SMOC2: variants seen among roughly 807,000 people sequenced by gnomAD.
SMOC2 encodes SPARC-related modular calcium-binding protein 2.
In SMOC2, 39 loss-of-function variants were observed where a neutral mutation model predicts 61.4. The ratio of observed to expected loss-of-function variants is 0.64; its 90% CI spans 0.49 to 0.83. The LOEUF is 0.83. SMOC2 is among the 40% of genes least tolerant of loss of function. The probability of loss-of-function intolerance (pLI) is 0.00; values close to 1 mark genes in which losing one functional copy is unlikely to be tolerated. For synonymous variants in SMOC2, 247 were observed against 239.9 expected, an observed-to-expected ratio of 1.03 and a Z score of -0.27; for missense variants, 556 against 592.9, an observed-to-expected ratio of 0.94 and a Z score of 0.65.
intron 9 of SMOC2, among the ~76,000 whole-genome samples, chr6:168,631,265 G>A (rs1442049739): frequency 6.6e-6 from 1 of 152,074 alleles, no homozygotes; most frequent in Non-Finnish European, 1.5e-5. Flanking sequence ...AAATAGAAAA[G>A]AACCTACGTG....
Position 168,547,138 on chromosome 6 carries a change from G to A in SMOC2, c.531G>A (p.Ala177=), listed in dbSNP as rs769942349. ...TGKTDDAAAP[A]LETQPQGDEE... is the part of the protein sequence containing the mutation. ...ATTCAGATGATGCCGCAGCTCCAGC[G>A]TTGGAGACTCAGCCTCAAGGAGATG... Residue 177 remains alanine (A), a synonymous_variant, in exon 6 of 13, where the codon GCG becomes GCA. Transcript: ENST00000356284. 51 of 1,613,934 alleles carry A rather than the reference G, an allele frequency of 3.2e-5. No homozygotes were observed. Among genetic ancestry groups the A allele is most frequent in the Middle Eastern group, 1.6e-4 (1 of 6,082 alleles).
At chr6:168,597,365 CAAAAG>C (rs1486694106) in intron 7 of SMOC2, among the ~76,000 whole-genome samples, 2 of 152,170 alleles carry the variant, frequency 1.3e-5, no homozygotes, top group African/African-American at 4.8e-5. Flanking sequence ...TTTATTATCT[CAAAAG>C]AAATTTATTG....
In SMOC2 at chr6:168,453,510, G is replaced by GTCTCTCTGTC. The variant is rs1165851907; in HGVS notation, c.84+12070_84+12079dup. On this transcript the variant is annotated intron_variant, in intron 1 of 12. Coordinates refer to ENST00000356284, the MANE Select transcript of SMOC2 (RefSeq NM_001166412.2). The surrounding 1 kb of genome is among the most constrained non-coding windows in gnomAD (Gnocchi z 4.4). The stretch of plus-strand genomic sequence containing the variant: ...CTGCCATTCTCTCGCTCTCTTTTTT[G>GTCTCTCTGTC]TCTCTCTGTCTCTCTCTGTCTCTTT... Among the ~76,000 whole-genome samples the GTCTCTCTGTC allele has an allele frequency of 6.6e-6, 1 of 151,608 alleles. No homozygotes were observed. The highest frequency in any genetic ancestry group is 1.5e-5 in the Non-Finnish European group (1 of 67,918).
chr6:168,636,874 TCCCGCCTCCCTCCTCCCACCTCCCTCCTG>T (rs1562396957), intron 9 of SMOC2, among the ~76,000 whole-genome samples: 3 of 39,954 alleles, frequency 7.5e-5, no homozygotes, highest in East Asian at 1.7e-3. Flanking sequence ...GCCTCCCTCC[TCCCGCCTCCCTCCTCCCACCTCCCTCCTG>T]CCCGCATCCC....
At chr6:168,602,980 C>T (rs1785591103) in intron 8 of SMOC2, among the ~76,000 whole-genome samples, 1 of 152,160 alleles carries the variant, frequency 6.6e-6, no homozygotes, top group African/African-American at 2.4e-5. Context: ...TGGTAATTTC[C>T]ATAATCCCCA....
At chr6:168,455,923 G>A (rs1048333304) in intron 1 of SMOC2, among the ~76,000 whole-genome samples, 2 of 152,228 alleles carry the variant, frequency 1.3e-5, no homozygotes, top group African/African-American at 2.4e-5. Flanking sequence ...CCATGCAAAC[G>A]TCTGGGCGGA....
At chr6:168,584,871 A>T (rs898484922) in intron 7 of SMOC2, among the ~76,000 whole-genome samples, 12 of 152,212 alleles carry the variant, frequency 7.9e-5, no homozygotes, top group Admixed American at 4.6e-4. Flanking sequence ...TAGACAGCAC[A>T]TCCATCCCGG....
intron 9 of SMOC2, among the ~76,000 whole-genome samples, chr6:168,617,069 C>T (rs1021376110): frequency 6.6e-6 from 1 of 152,180 alleles, no homozygotes; most frequent in African/African-American, 2.4e-5. Context: ...TATGGCTACT[C>T]TTGCAGCAAG....
intron 9 of SMOC2, among the ~76,000 whole-genome samples, chr6:168,648,940 GCCACA>G: frequency 6.6e-6 from 1 of 152,324 alleles, no homozygotes; most frequent in East Asian, 1.9e-4. Flanking sequence ...CCACACCACG[GCCACA>G]TGGTCCACGC....
chr6:168,585,054 C>T (rs1241799422), intron 7 of SMOC2, among the ~76,000 whole-genome samples: 1 of 152,224 alleles, frequency 6.6e-6, no homozygotes, highest in African/African-American at 2.4e-5. Flanking sequence ...GTTACCCAGG[C>T]TCAAGTGATC....
intron 7 of SMOC2, among the ~76,000 whole-genome samples, chr6:168,566,859 C>T (rs566901050): frequency 1.1e-4 from 16 of 151,914 alleles, no homozygotes; most frequent in African/African-American, 1.9e-4. Flanking sequence ...TGGCACATGA[C>T]GGAATCATAC....
rs144317852 is a variant in SMOC2 at position 168,511,811 on chromosome 6, G to GTTTTTTTTTTTTTTTTT, written c.256+1727_256+1728insTTTTTTTTTTTTTTTTT. Among the ~76,000 whole-genome samples the GTTTTTTTTTTTTTTTTT allele has an allele frequency of 1.5e-5, 2 of 130,734 alleles. 1 individual carries two copies. The highest frequency in any genetic ancestry group is 3.2e-5 in the Non-Finnish European group (2 of 62,640). The allele number at this position is 130,734 out of a possible 152,430, so 85.8% of individuals were successfully genotyped here. A position where few individuals can be genotyped will look rare whatever the true frequency, so the allele number is the denominator to read the frequency against. On this transcript the variant is annotated intron_variant, in intron 2 of 12. Coordinates refer to ENST00000356284, the MANE Select transcript of SMOC2 (RefSeq NM_001166412.2). ...GACAAATGGCTATTCATTATCAAGG[G>GTTTTTTTTTTTTTTTTT]TTGTTTTTTTTTTTTTTTCTGAAAT...
intron 7 of SMOC2, among the ~76,000 whole-genome samples, chr6:168,555,208 C>T (rs909153961): frequency 3.3e-5 from 5 of 152,196 alleles, no homozygotes; most frequent in Admixed American, 6.5e-5. Context: ...ATTAGCCAGC[C>T]GGGATGAGAC....
At chr6:168,450,134 T>C (rs1055684304) in intron 1 of SMOC2, among the ~76,000 whole-genome samples, 4 of 152,226 alleles carry the variant, frequency 2.6e-5, no homozygotes, top group African/African-American at 9.7e-5. Flanking sequence ...TGAATCAATC[T>C]GGATAATATG....
chr6:168,458,985 A>G (rs890103503), intron 1 of SMOC2, among the ~76,000 whole-genome samples: 2 of 152,218 alleles, frequency 1.3e-5, no homozygotes, highest in Admixed American at 6.5e-5. Flanking sequence ...ACAGTGTGGA[A>G]ACGTGGTCAT....
At chr6:168,637,846 G>A (rs747600902) in intron 9 of SMOC2, among the ~76,000 whole-genome samples, 63 of 152,230 alleles carry the variant, frequency 4.1e-4, no homozygotes, top group Non-Finnish European at 5.3e-4. Flanking sequence ...CCTTCCCTAC[G>A]GGGAAGGGGA....
chr6:168,503,876 T>A (rs1185001497), intron 1 of SMOC2, among the ~76,000 whole-genome samples: 5 of 152,068 alleles, frequency 3.3e-5, no homozygotes, highest in Non-Finnish European at 7.4e-5. Context: ...CTGTGCAGAG[T>A]TGGCTCGTTG....
At position 168,623,781 on chromosome 6, in the gene SMOC2, A is replaced by G. The variant is rs1786310524; in HGVS notation, c.907+15542A>G. Among the ~76,000 whole-genome samples the G allele has an allele frequency of 5.3e-5, 8 of 152,222 alleles. No individual in the cohort carries two copies. In the South Asian group the frequency reaches 1.7e-3, roughly 32 times the overall value. On this transcript the variant is annotated intron_variant, in intron 9 of 12. Transcript: ENST00000356284. ...AGTCTGGACAACATAGAGACCCCCT[A>G]TCCCCCCAAAAAAATCACTTCGACA... is the stretch of plus-strand genomic sequence containing the variant.
chr6:168,612,855 G>A (rs1331412454), intron 9 of SMOC2, among the ~76,000 whole-genome samples: 2 of 152,216 alleles, frequency 1.3e-5, no homozygotes, highest in Non-Finnish European at 2.9e-5. Flanking sequence ...CCAGTCGCCG[G>A]CAGGTTCAGG....
Sources: allele counts gnomAD v4.1 joint callset (sites outside exome capture counted in the v4.1 genomes callset), GRCh38; gene constraint gnomAD v4.1.1; non-coding constraint Gnocchi (gnomAD v3.1); transcripts MANE v1.5; gene names NCBI Gene and HGNC (gene_info 2026-07-23, HGNC 2026-07-21).